Variants in PTPN18 observed in about 807,000 individuals in gnomAD.
PTPN18 encodes protein tyrosine phosphatase non-receptor type 18, also known as tyrosine-protein phosphatase non-receptor type 18.
Under a neutral mutation model 65.4 loss-of-function variants are expected in PTPN18, and 65 were observed. That is an observed-to-expected ratio of 0.99 (90% confidence interval 0.81 to 1.22). PTPN18 has a LOEUF of 1.22. PTPN18 is among the 50% of genes most tolerant of loss of function. The pLI is 0.00. For synonymous variants in PTPN18, 255 were observed against 267.8 expected (o/e 0.95, Z 0.47); for missense variants, 616 against 646.5 (o/e 0.95, Z 0.51).
chr2:130,362,731 T>C (rs983780261), intron 5 of PTPN18, among the ~76,000 whole-genome samples: 2 of 152,226 alleles, frequency 1.3e-5, no homozygotes, highest in Non-Finnish European at 2.9e-5. Context: ...TTTATTGATA[T>C]ACAATTCAGT....
chr2:130,371,822 C>G (rs1680572198), intron 12 of PTPN18, among the ~76,000 whole-genome samples: 1 of 151,524 alleles, frequency 6.6e-6, no homozygotes. Context: ...CTCAAAAAAA[C>G]AACAAAAAAA....
At position 130,368,813 on chromosome 2, in the gene PTPN18, C is replaced by G. The variant is rs541281275; in HGVS notation, c.415-320C>G. 6.9e-5 allele frequency: 14 copies of G among 202,262 alleles called. No individual in the cohort carries two copies. The East Asian group carries it at 1.4e-3, about 20-fold the overall frequency. The allele number at this position is 202,262 out of a possible 1,614,324, so 12.5% of individuals were successfully genotyped here. On this transcript the variant is annotated intron_variant, in intron 5 of 14. Transcript: ENST00000175756. ...CTTCCATGCAATAAGCCGGAGTGGT[C>G]TGTTCAGTGACCACAGTACTGCAAC...
At chr2:130,371,955 T>G (rs1157847444) in intron 12 of PTPN18, 3 of 358,080 alleles carry the variant, frequency 8.4e-6, no homozygotes, top group African/African-American at 4.2e-5. Flanking sequence ...CATCCCTTCC[T>G]GTCTTCTATG....
At position 130,374,808 on chromosome 2, in the gene PTPN18, G is replaced by A. The variant is rs1680693624; in HGVS notation, c.*1584G>A. 7 of 427,588 alleles carry A rather than the reference G, an allele frequency of 1.6e-5. No homozygotes were observed. The highest frequency in any genetic ancestry group is 1.1e-4 in the South Asian group (7 of 61,560). The allele number at this position is 427,588 out of a possible 1,614,324, so 26.5% of individuals were successfully genotyped here. On this transcript the variant is annotated 3_prime_UTR_variant, in exon 15 of 15. Transcript: ENST00000175756. ...TCTGCCTCTGCCTGGCTGCATCCAT[G>A]GTCGATCTCAAGTGCCTTGGCATGA...
intron 11 of PTPN18, 71 bp downstream of exon 11, chr2:130,371,035 C>T: frequency 6.6e-7 from 1 of 1,522,134 alleles, no homozygotes; most frequent in East Asian, 2.3e-5. Context: ...CGAGCAGGGT[C>T]CAGCCCCCGG....
intron 5 of PTPN18, among the ~76,000 whole-genome samples, chr2:130,361,878 G>A (rs79610420): frequency 0.013 from 1,919 of 152,080 alleles, 58 homozygotes; most frequent in East Asian, 0.11. Context: ...ATGAGCCACC[G>A]CCCTCGGCCT....
At chr2:130,364,556 G>T (rs915087435) in intron 5 of PTPN18, among the ~76,000 whole-genome samples, 1 of 152,172 alleles carries the variant, frequency 6.6e-6, no homozygotes, top group Non-Finnish European at 1.5e-5. Context: ...CAGCACTTTG[G>T]GAGGCCGAAG....
At position 130,370,061 on chromosome 2, in the gene PTPN18, T is replaced by C. The variant is rs1019726279; in HGVS notation, c.560T>C (p.Val187Ala). The C allele has an allele frequency of 6.2e-7, 1 of 1,614,048 alleles. No individual in the cohort carries two copies. Among genetic ancestry groups the C allele is most frequent in the Non-Finnish European group, 8.5e-7 (1 of 1,180,030 alleles). ...KVTFQKESRS[V>A]YQLQYMSWPD... ...TCTGTGTTTCAGGAGTCCCGTTCTG[T>C]GTACCAGCTACAGTATATGTCCTGG... The change falls in exon 8 of 15, where the codon GTG (valine) becomes GCG (alanine). Residue 187 changes from valine (V) to alanine (A), a missense_variant. Physicochemically the swap from Val to Ala is moderately conservative, Grantham distance 64 (BLOSUM62 0). Transcript: ENST00000175756.
chr2:130,361,788 A>G (rs1362909843), intron 5 of PTPN18, among the ~76,000 whole-genome samples: 1 of 151,958 alleles, frequency 6.6e-6, no homozygotes, highest in Non-Finnish European at 1.5e-5. Context: ...GGGTTTCACC[A>G]TGTTGGCCAG....
chr2:130,374,997 T>C lies in PTPN18; in HGVS notation c.*1773T>C, dbSNP rs1409346772. On this transcript the variant is annotated 3_prime_UTR_variant, in exon 15 of 15. Coordinates refer to ENST00000175756, the MANE Select transcript of PTPN18 (RefSeq NM_014369.4). The stretch of plus-strand genomic sequence containing the variant: ...CACAGTGGGAGCTGGTGTGATATCA[T>C]ACCTTCGCCGGCCGCCTTTCCTTCC... 1 of 220,524 alleles carries C rather than the reference T, an allele frequency of 4.5e-6. No homozygotes were observed. The highest frequency in any genetic ancestry group is 9.4e-6 in the Non-Finnish European group (1 of 106,720). The allele number at this position is 220,524 out of a possible 1,614,324, so 13.7% of individuals were successfully genotyped here. A position where few individuals can be genotyped will look rare whatever the true frequency, so the allele number is the denominator to read the frequency against.
In PTPN18 at chr2:130,359,389, T is replaced by G. The variant is rs750137950; in HGVS notation, c.280-8T>G. On this transcript the variant is annotated splice_region_variant and splice_polypyrimidine_tract_variant and intron_variant, in intron 3 of 14. Transcript: ENST00000175756. ...CAGAATCTCAGTCGTGAATTCGGCC[T>G]TCACCAGGGCGTGGATGGAAGCCTG... 2 of 1,614,144 alleles carry G rather than the reference T, an allele frequency of 1.2e-6. No individual in the cohort carries two copies. Among genetic ancestry groups the G allele is most frequent in the South Asian group, 2.2e-5 (2 of 91,082 alleles).
rs1680651318 is a variant in PTPN18, at chr2:130,373,673, C to T, written c.*449C>T. 1 of 154,838 alleles carries T rather than the reference C, an allele frequency of 6.5e-6. No homozygotes were observed. The highest frequency in any genetic ancestry group is 2.4e-5 in the African/African-American group (1 of 41,490). The allele number at this position is 154,838 out of a possible 1,614,324, so 9.6% of individuals were successfully genotyped here. A position where few individuals can be genotyped will look rare whatever the true frequency, so the allele number is the denominator to read the frequency against. ...TAACCACAGCCAAGCAGATTAACCC[C>T]AGGCAGACCGATAAAAAGACCTCCA... is the stretch of plus-strand genomic sequence containing the variant. On this transcript the variant is annotated 3_prime_UTR_variant, in exon 15 of 15. Coordinates refer to ENST00000175756, the MANE Select transcript of PTPN18 (RefSeq NM_014369.4). The surrounding 1 kb of genome is among the most constrained non-coding windows in gnomAD (Gnocchi z 4.1).
intron 4 of PTPN18, 28 bp from the exon 5 acceptor site, chr2:130,359,580 T>A: frequency 1.2e-6 from 2 of 1,613,816 alleles, no homozygotes; most frequent in South Asian, 2.2e-5. Context: ...CCAAATCACC[T>A]TCCTCTCCCC....
intron 1 of PTPN18, among the ~76,000 whole-genome samples, chr2:130,357,749 G>C (rs1017626018): frequency 6.6e-6 from 1 of 151,342 alleles, no homozygotes; most frequent in East Asian, 1.9e-4. Flanking sequence ...CCAGCTACTC[G>C]GGTGGCTGAG....
intron 5 of PTPN18, among the ~76,000 whole-genome samples, chr2:130,366,683 G>C (rs1418260066): frequency 6.6e-6 from 1 of 152,080 alleles, no homozygotes; most frequent in Non-Finnish European, 1.5e-5. Context: ...ATTCCTCTTT[G>C]TTTGATAAAA....
chr2:130,369,977 T>C, intron 7 of PTPN18, 71 bp from the exon 8 acceptor site: 2 of 1,589,788 alleles, frequency 1.3e-6, no homozygotes, highest in Non-Finnish European at 1.7e-6. Flanking sequence ...GCCTGGTGTA[T>C]AGTAGATGGC....
At chr2:130,372,212 C>T in intron 12 of PTPN18, 45 bp from the exon 13 acceptor site, 1 of 1,533,320 alleles carries the variant, frequency 6.5e-7, no homozygotes. Context: ...TCCCGCCCTG[C>T]CCAGCGCCGC....
At chr2:130,371,790 G>C (rs2104953136) in intron 12 of PTPN18, among the ~76,000 whole-genome samples, 1 of 152,290 alleles carries the variant, frequency 6.6e-6, no homozygotes, top group South Asian at 2.1e-4. Flanking sequence ...AGTCCAGCCT[G>C]GGCGACAGAG....
At chr2:130,356,221 G>C in intron 1 of PTPN18, 21 bp downstream of exon 1, 1 of 1,309,154 alleles carries the variant, frequency 7.6e-7, no homozygotes, top group South Asian at 2.1e-5. Context: ...CACGGGGTCC[G>C]CGAGCGGCGC....
Sources: allele counts gnomAD v4.1 joint callset (sites outside exome capture counted in the v4.1 genomes callset), GRCh38; gene constraint gnomAD v4.1.1; non-coding constraint Gnocchi (gnomAD v3.1); transcripts MANE v1.5; gene names NCBI Gene and HGNC (gene_info 2026-07-23, HGNC 2026-07-21).